The following RXFP2 variants were observed in gnomAD, a reference collection of about 807,000 sequenced individuals.
RXFP2 encodes relaxin family peptide receptor 2.
RXFP2 carries 68 observed loss-of-function variants against 88.6 expected under a neutral mutation model. The observed-to-expected ratio is 0.77, with a 90% CI of 0.63 to 0.94. The LOEUF (loss-of-function observed/expected upper bound fraction) is 0.94. Ranked by LOEUF, RXFP2 falls within the 40% of genes least tolerant of loss-of-function variation. The pLI is 0.00. For missense variants in RXFP2, 791 were observed against 893.9 expected (o/e 0.88, Z 1.47); for synonymous variants, 329 against 306.8 (o/e 1.07, Z -0.76).
At chr13:31,767,162 G>A (rs574629911) in intron 5 of RXFP2, among the ~76,000 whole-genome samples, 1 of 152,304 alleles carries the variant, frequency 6.6e-6, no homozygotes, top group African/African-American at 2.4e-5. Context: ...AGGATTTTGT[G>A]TTCCTGAATT....
At chr13:31,760,623 T>C (rs192126775) in intron 2 of RXFP2, among the ~76,000 whole-genome samples, 194 of 152,330 alleles carry the variant, frequency 1.3e-3, no homozygotes, top group Non-Finnish European at 2.4e-3. Context: ...GAACCCAAAT[T>C]AAATAATGCA....
At chr13:31,794,776 G>A (rs1338656751) in intron 16 of RXFP2, among the ~76,000 whole-genome samples, 1 of 152,122 alleles carries the variant, frequency 6.6e-6, no homozygotes, top group African/African-American at 2.4e-5. Context: ...CAGGGAACAG[G>A]GTAAGATGAA....
intron 1 of RXFP2, among the ~76,000 whole-genome samples, chr13:31,746,812 A>T (rs74681614): frequency 0.017 from 2,047 of 117,384 alleles, 47 homozygotes; most frequent in African/African-American, 0.063. Context: ...ATTTCCTTTC[A>T]TGTAAACCCA....
At chr13:31,752,143 A>G (rs569278232) in intron 1 of RXFP2, among the ~76,000 whole-genome samples, 1 of 152,152 alleles carries the variant, frequency 6.6e-6, no homozygotes, top group African/African-American at 2.4e-5. Flanking sequence ...GCAGTTTGAA[A>G]TTCTCTTTTT....
chr13:31,744,522 C>G (rs1169903446), intron 1 of RXFP2, among the ~76,000 whole-genome samples: 1 of 152,184 alleles, frequency 6.6e-6, no homozygotes, highest in South Asian at 2.1e-4. Flanking sequence ...TGGTACAGAT[C>G]TCCATTAGCC....
rs558474777 is a variant in RXFP2 at position 31,785,597 on chromosome 13, A to G, written c.930-786A>G. On this transcript the variant is annotated intron_variant, in intron 11 of 17. Transcript: ENST00000298386. ...TCTAAATGTAAGCTTCTTTACAAAA[A>G]GAGCTAAGTCATAGTTATTTGTAAC... 1.1e-4 allele frequency among the ~76,000 whole-genome samples: 17 copies of G among 151,864 alleles called. 1 individual carries two copies. Among genetic ancestry groups the G allele is most frequent in the Admixed American group, 1.1e-3 (16 of 15,194 alleles).
intron 17 of RXFP2, among the ~76,000 whole-genome samples, chr13:31,799,401 AG>A (rs1375493665): frequency 6.6e-5 from 10 of 152,206 alleles, no homozygotes; most frequent in Admixed American, 4.6e-4. Flanking sequence ...TAGTAGAGAC[AG>A]GGTTTCACCA....
chr13:31,748,895 G>A (rs568091910), intron 1 of RXFP2, among the ~76,000 whole-genome samples: 20 of 152,268 alleles, frequency 1.3e-4, no homozygotes, highest in African/African-American at 4.6e-4. Flanking sequence ...TACTCAGGAG[G>A]CTAAGGCAGG....
At chr13:31,757,668 C>A (rs1358412252) in intron 1 of RXFP2, among the ~76,000 whole-genome samples, 3 of 152,188 alleles carry the variant, frequency 2.0e-5, no homozygotes, top group Non-Finnish European at 2.9e-5. Context: ...GGGTGGATGA[C>A]TCCTTGATTT....
At chr13:31,801,390 G>C (rs902390241) in intron 17 of RXFP2, among the ~76,000 whole-genome samples, 6 of 151,974 alleles carry the variant, frequency 3.9e-5, no homozygotes, top group Non-Finnish European at 8.8e-5. Context: ...TTAACAGAGA[G>C]AGCAGATGAA....
At chr13:31,765,595 C>G (rs1393062942) in intron 4 of RXFP2, among the ~76,000 whole-genome samples, 2 of 152,034 alleles carry the variant, frequency 1.3e-5, no homozygotes, top group Non-Finnish European at 2.9e-5. Flanking sequence ...TTGAAAGCCT[C>G]AGGAATTTGC....
intron 9 of RXFP2, among the ~76,000 whole-genome samples, chr13:31,780,088 C>A (rs768439014): frequency 1.3e-5 from 2 of 152,164 alleles, no homozygotes; most frequent in African/African-American, 2.4e-5. Flanking sequence ...CCAAAAGGGG[C>A]ATCAGTCAGC....
At position 31,781,755 on chromosome 13, in the gene RXFP2, T is replaced by A; in HGVS notation, c.857+13T>A. The A allele has an allele frequency of 6.3e-7, 1 of 1,589,176 alleles. No homozygotes were observed. The highest frequency in any genetic ancestry group is 8.6e-7 in the Non-Finnish European group (1 of 1,158,006). On this transcript the variant is annotated intron_variant, in intron 10 of 17. Transcript: ENST00000298386. The stretch of plus-strand genomic sequence containing the variant: ...CGCTCACAGTGCTGTAAGTATACAA[T>A]GGACTTCACTAAATGAGGGGAAACC...
At position 31,791,990 on chromosome 13, in the gene RXFP2, A is replaced by G. The variant is rs1873815702; in HGVS notation, c.1330A>G (p.Lys444Glu). The change falls in exon 15 of 18, where the codon AAA (lysine) becomes GAA (glutamate). Residue 444 changes from lysine to glutamate, a missense_variant. Coordinates refer to ENST00000298386, the MANE Select transcript of RXFP2 (RefSeq NM_130806.5). ...LFVIGMRSFI[K>E]AENTTHAMSI... ...TGTCATTGGCATGAGATCTTTCATT[A>G]AAGCTGAAAATACAACTCACGCTAT... The G allele has an allele frequency of 6.2e-7, 1 of 1,614,108 alleles. No homozygotes were observed. The highest frequency in any genetic ancestry group is 8.5e-7 in the Non-Finnish European group (1 of 1,179,956).
chr13:31,786,185 A>G (rs1483758656), intron 11 of RXFP2, among the ~76,000 whole-genome samples, 198 bp from the exon 12 acceptor site: 1 of 152,224 alleles, frequency 6.6e-6, no homozygotes, highest in African/African-American at 2.4e-5. Flanking sequence ...CTGGACGAGC[A>G]AAGTGTTACA....
chr13:31,759,133 G>A (rs1872127111), intron 2 of RXFP2, among the ~76,000 whole-genome samples: 1 of 151,770 alleles, frequency 6.6e-6, no homozygotes, highest in Admixed American at 6.6e-5. Flanking sequence ...CCTGCTATGT[G>A]CCAGGAGCTC....
intron 1 of RXFP2, among the ~76,000 whole-genome samples, chr13:31,740,784 A>G (rs998403192): frequency 2.6e-5 from 4 of 152,078 alleles, no homozygotes; most frequent in African/African-American, 9.6e-5. Context: ...TTATATTTTA[A>G]TATCTCTTAC....
intron 9 of RXFP2, among the ~76,000 whole-genome samples, chr13:31,778,910 C>G (rs548475903): frequency 1.4e-4 from 21 of 152,240 alleles, no homozygotes; most frequent in African/African-American, 5.1e-4. Context: ...AAAAATCTTG[C>G]TCCCTTATTC....
intron 14 of RXFP2, among the ~76,000 whole-genome samples, chr13:31,791,135 T>C (rs1873771748): frequency 6.6e-6 from 1 of 152,204 alleles, no homozygotes; most frequent in Admixed American, 6.5e-5. Context: ...GGGATGGCAA[T>C]GGCCAGATGA....
Sources: gnomAD v4.1 joint callset for allele counts (sites outside exome capture counted in the v4.1 genomes callset) on GRCh38, gnomAD v4.1.1 for gene constraint, MANE v1.5 for transcripts, NCBI Gene and HGNC (gene_info 2026-07-23, HGNC 2026-07-21) for gene names.